Variants in PCDH11X observed in about 807,000 individuals in gnomAD.
PCDH11X encodes protocadherin 11 X-linked, also known as protocadherin-11 X-linked.
A neutral mutation model predicts 53.3 loss-of-function variants in PCDH11X; 18 were observed. That is an observed-to-expected ratio of 0.34 (90% CI 0.23 to 0.50). PCDH11X has a LOEUF of 0.50. Ranked by LOEUF, PCDH11X falls within the 20% of genes least tolerant of loss-of-function variation. PCDH11X has a pLI of 0.98. For synonymous variants in PCDH11X, 279 were observed against 393.3 expected, an observed-to-expected ratio of 0.71 and a Z score of 3.44; for missense variants, 570 against 1,032.4, an observed-to-expected ratio of 0.55 and a Z score of 6.14.
chrX:92,152,498 T>C (rs2065452182), intron 6 of PCDH11X, among the ~76,000 whole-genome samples: 1 of 111,926 alleles, frequency 8.9e-6, no homozygotes, highest in African/African-American at 3.2e-5. Flanking sequence ...ATTGTTCATA[T>C]GGTGAAAGGA....
At chrX:92,150,072 T>A (rs1254203638) in intron 6 of PCDH11X, among the ~76,000 whole-genome samples, 3 of 107,769 alleles carry the variant, frequency 2.8e-5, no homozygotes, top group African/African-American at 1.1e-4. Context: ...TGTGTGAAAG[T>A]TTTTGTGTGG....
At chrX:92,223,209 C>T (rs2066912890) in intron 7 of PCDH11X, among the ~76,000 whole-genome samples, 1 of 111,770 alleles carries the variant, frequency 8.9e-6, no homozygotes, top group African/African-American at 3.3e-5. Context: ...TTAATTCATC[C>T]CTTTTATTCA....
At chrX:92,510,430 A>T (rs2074142671) in intron 10 of PCDH11X, among the ~76,000 whole-genome samples, 1 of 107,991 alleles carries the variant, frequency 9.3e-6, no homozygotes, top group Non-Finnish European at 1.9e-5. Flanking sequence ...AGTAACTATC[A>T]GTATAAATTC....
chrX:92,091,706 A>T, intron 6 of PCDH11X, among the ~76,000 whole-genome samples: 1 of 111,805 alleles, frequency 8.9e-6, no homozygotes, highest in East Asian at 2.8e-4. Context: ...GGCTGAGTTT[A>T]TCTGAAGGCC....
At chrX:91,982,966 G>A (rs34864303) in intron 6 of PCDH11X, 1 of 1,141,043 alleles carries the variant, frequency 8.8e-7, no homozygotes, top group African/African-American at 1.8e-5. Context: ...TTAGTGTGAA[G>A]TTGGAATTCA....
chrX:92,545,777 A>G (rs780456704), intron 10 of PCDH11X, among the ~76,000 whole-genome samples: 1 of 110,639 alleles, frequency 9.0e-6, no homozygotes, highest in Non-Finnish European at 1.9e-5. Flanking sequence ...ACACATTTAA[A>G]TAAAGCTTTT....
intron 6 of PCDH11X, among the ~76,000 whole-genome samples, chrX:92,048,420 A>G (rs1283719009): frequency 9.0e-6 from 1 of 111,309 alleles, no homozygotes; most frequent in African/African-American, 3.3e-5. Context: ...TTTAAAGAAT[A>G]AGCTATCTAG....
intron 6 of PCDH11X, among the ~76,000 whole-genome samples, chrX:92,078,019 T>C (rs1253215613): frequency 9.0e-6 from 1 of 110,562 alleles, no homozygotes; most frequent in Non-Finnish European, 1.9e-5. Context: ...TTATTAGCCC[T>C]ATGCTTGTTC....
intron 6 of PCDH11X, among the ~76,000 whole-genome samples, chrX:91,934,396 A>G (rs2061421669): frequency 1.8e-5 from 2 of 111,384 alleles, no homozygotes. Flanking sequence ...CCCCCTGAAC[A>G]TAATTTGCTC....
intron 6 of PCDH11X, among the ~76,000 whole-genome samples, chrX:91,896,420 C>T (rs2189407): frequency 0.2 from 22,050 of 108,631 alleles, 1,942 homozygotes; most frequent in East Asian, 0.3. Context: ...CACCGCACCG[C>T]ACCTGGCCTT....
intron 10 of PCDH11X, among the ~76,000 whole-genome samples, chrX:92,493,673 G>C (rs1232954789): frequency 2.1e-5 from 2 of 94,345 alleles, no homozygotes; most frequent in African/African-American, 8.1e-5. Context: ...TTGAGACAGA[G>C]TCTCACTCTG....
intron 8 of PCDH11X, among the ~76,000 whole-genome samples, chrX:92,279,714 T>C (rs941914008): frequency 1.8e-5 from 2 of 112,681 alleles, no homozygotes; most frequent in African/African-American, 6.4e-5. Context: ...ACTTGGCCTA[T>C]GTATTAGTTG....
At chrX:92,480,926 C>T (rs2148673236) in intron 10 of PCDH11X, among the ~76,000 whole-genome samples, 1 of 111,438 alleles carries the variant, frequency 9.0e-6, no homozygotes, top group East Asian at 2.8e-4. Context: ...TCCCTACACA[C>T]ATTCACAGCA....
At chrX:92,331,688 A>C (rs962674966) in intron 8 of PCDH11X, among the ~76,000 whole-genome samples, 2 of 111,142 alleles carry the variant, frequency 1.8e-5, no homozygotes, top group African/African-American at 6.5e-5. Context: ...GGGAAATTTT[A>C]CAGAGAAAAT....
intron 6 of PCDH11X, among the ~76,000 whole-genome samples, chrX:92,136,939 ATAGGCCTGCAGGT>A (rs2065092109): frequency 9.8e-6 from 1 of 101,903 alleles, no homozygotes; most frequent in Non-Finnish European, 2.0e-5. Flanking sequence ...ATCAAATCTA[ATAGGCCTGCAGGT>A]TTTCTCTACT....
chrX:91,786,935 G>A (rs1488917958), intron 1 of PCDH11X, among the ~76,000 whole-genome samples: 1 of 111,489 alleles, frequency 9.0e-6, no homozygotes, highest in African/African-American at 3.3e-5. Context: ...TCAAAGACAA[G>A]TATATTCAAA....
At chrX:92,526,250 AAAG>A (rs1387242567) in intron 10 of PCDH11X, among the ~76,000 whole-genome samples, 1 of 111,391 alleles carries the variant, frequency 9.0e-6, no homozygotes, top group African/African-American at 3.3e-5. Flanking sequence ...GAAGTGAAGA[AAAG>A]AAGAATTTTC....
chrX:92,218,568 C>G (rs1041726896), intron 7 of PCDH11X, among the ~76,000 whole-genome samples: 24 of 110,663 alleles, frequency 2.2e-4, no homozygotes, highest in African/African-American at 7.5e-4. Context: ...GCTTACCAAC[C>G]AAACAGAGTC....
chrX:92,112,630 T>C (rs945260878), intron 6 of PCDH11X, among the ~76,000 whole-genome samples: 2 of 109,919 alleles, frequency 1.8e-5, no homozygotes, highest in African/African-American at 6.9e-5. Context: ...ATTATTCACT[T>C]ATCTTTTATT....
Sources: allele counts gnomAD v4.1 joint callset (sites outside exome capture counted in the v4.1 genomes callset), GRCh38; gene constraint gnomAD v4.1.1; transcripts MANE v1.5; gene names NCBI Gene and HGNC (gene_info 2026-07-23, HGNC 2026-07-21).